Variants in DTX3L observed in about 807,000 individuals in gnomAD.
DTX3L encodes the protein deltex E3 ubiquitin ligase 3L.
DTX3L carries 34 observed loss-of-function variants against 60.9 expected under a neutral mutation model. The observed-to-expected ratio is 0.56, with a 90% CI of 0.42 to 0.74. The LOEUF (loss-of-function observed/expected upper bound fraction) is 0.74, where lower values mean the gene tolerates loss of function less well. Among genes scored for constraint, DTX3L ranks in the 30% least tolerant of loss-of-function variants. The pLI is 0.00. For synonymous variants in DTX3L, 290 were observed against 316.6 expected (o/e 0.92, Z 0.89); for missense variants, 810 against 874.0 (o/e 0.93, Z 0.92).
chr3:122,568,096 G>C (rs1329345585), intron 2 of DTX3L, among the ~76,000 whole-genome samples: 1 of 152,148 alleles, frequency 6.6e-6, no homozygotes, highest in Non-Finnish European at 1.5e-5. Context: ...GATCACCTGA[G>C]GTCAGGAGTT....
intron 1 of DTX3L, among the ~76,000 whole-genome samples, chr3:122,565,041 C>T (rs2080538862): frequency 6.6e-6 from 1 of 152,076 alleles, no homozygotes; most frequent in South Asian, 2.1e-4. Flanking sequence ...GATATATGCT[C>T]ACTATAGAAA....
At chr3:122,570,711 T>A (rs1186876422) in intron 4 of DTX3L, 39 bp downstream of exon 4, 2 of 1,601,548 alleles carry the variant, frequency 1.2e-6, no homozygotes, top group Admixed American at 3.3e-5. Flanking sequence ...CTCAACAGAG[T>A]ATAGGGATTA....
Position 122,565,913 on chromosome 3 carries a change from C to A in DTX3L, c.242C>A (p.Pro81His). ...GEHQILVDEK[P>H]VPIFLVPTEN... Reference sequence around the variant, plus strand: ...CACCAAATACTTGTTGACGAAAAACCTGTGCCCATTTTCCTGGTACCCACT... The same window carrying A: ...CACCAAATACTTGTTGACGAAAAACATGTGCCCATTTTCCTGGTACCCACT... The change falls in exon 2 of 5, where the codon CCT becomes CAT. Residue 81 changes from proline to histidine, a missense_variant. Pro to His is a moderately conservative substitution (Grantham distance 77). Coordinates refer to ENST00000296161, the MANE Select transcript of DTX3L (RefSeq NM_138287.3). 1.2e-6 allele frequency: 2 copies of A among 1,614,116 alleles called. No homozygotes were observed. Among genetic ancestry groups the A allele is most frequent in the Non-Finnish European group, 1.7e-6 (2 of 1,180,020 alleles).
intron 1 of DTX3L, among the ~76,000 whole-genome samples, 184 bp downstream of exon 1, chr3:122,564,797 A>G (rs1221029750): frequency 2.0e-5 from 3 of 152,060 alleles, no homozygotes; most frequent in Non-Finnish European, 2.9e-5. Context: ...TCGGTGGAGG[A>G]TGGGGCCTCA....
At chr3:122,570,703 C>A in intron 4 of DTX3L, 31 bp downstream of exon 4, 1 of 1,607,146 alleles carries the variant, frequency 6.2e-7, no homozygotes, top group South Asian at 1.1e-5. Flanking sequence ...AATGGCTGCT[C>A]AACAGAGTAT....
rs762172588 is a variant in DTX3L, at chr3:122,564,380, G to C, written c.-47G>C. ...CCGCAGGGCGGGCCGCGCCTTTACCGCCCAGCTGCCTCCCGGAGCCCCCGC... is the reference window on the plus strand; with the variant it reads ...CCGCAGGGCGGGCCGCGCCTTTACCCCCCAGCTGCCTCCCGGAGCCCCCGC... On this transcript the variant is annotated 5_prime_UTR_variant, in exon 1 of 5. Transcript: ENST00000296161. 8.9e-6 allele frequency: 14 copies of C among 1,565,604 alleles called. No individual in the cohort carries two copies. The highest frequency in any genetic ancestry group is 1.2e-5 in the Non-Finnish European group (14 of 1,157,766).
In DTX3L at chr3:122,573,721, G is replaced by T. The variant is rs1441216508; in HGVS notation, c.*1974G>T. The T allele has an allele frequency of 2.6e-5, 4 of 152,146 alleles. No individual in the cohort carries two copies. Among genetic ancestry groups the T allele is most frequent in the Non-Finnish European group, 4.4e-5 (3 of 68,070 alleles). The allele number at this position is 152,146 out of a possible 1,614,324, so 9.4% of individuals were successfully genotyped here. On this transcript the variant is annotated 3_prime_UTR_variant, in exon 5 of 5. Coordinates refer to ENST00000296161, the MANE Select transcript of DTX3L (RefSeq NM_138287.3). ...TGCTCCTTGTAAACTGCCATATTGG[G>T]TGCACTTGCCCTGCCACAGTAATGC...
At position 122,569,004 on chromosome 3, in the gene DTX3L, G is replaced by C; in HGVS notation, c.915G>C (p.Leu305=). ...ASEFQKNTEP[L]KQECVSLADS... The stretch of plus-strand genomic sequence containing the variant: ...AATTTCAGAAGAACACAGAACCTCT[G>C]AAGCAAGAATGTGTCTCTTTAGCAG... Residue 305 remains leucine, a synonymous_variant, in exon 3 of 5, where the codon CTG becomes CTC. Transcript: ENST00000296161. 4 of 1,614,132 alleles carry C rather than the reference G, an allele frequency of 2.5e-6. No homozygotes were observed. In the South Asian group the frequency reaches 3.3e-5, roughly 13 times the overall value.
intron 1 of DTX3L, 122 bp downstream of exon 1, chr3:122,564,735 G>GCCAC: frequency 8.0e-7 from 1 of 1,249,002 alleles, no homozygotes; most frequent in Non-Finnish European, 1.1e-6. Flanking sequence ...CTGTGCGGTG[G>GCCAC]CGGACAGGGA....
At position 122,571,830 on chromosome 3, in the gene DTX3L, A is replaced by T. The variant is rs574738404; in HGVS notation, c.*83A>T. Reference sequence around the variant, plus strand: ...TGATTTAATGCCAGTCTAAATCCTTATGTAGAAAGGACTTTGAAATTTTTC... The same window carrying T: ...TGATTTAATGCCAGTCTAAATCCTTTTGTAGAAAGGACTTTGAAATTTTTC... On this transcript the variant is annotated 3_prime_UTR_variant, in exon 5 of 5. Transcript: ENST00000296161. 2.7e-4 allele frequency: 322 copies of T among 1,178,724 alleles called. 1 individual carries two copies. In the African/African-American group the frequency reaches 4.7e-3, roughly 17 times the overall value. 73.0% of individuals were successfully genotyped at this position (1,178,724 alleles called of 1,614,324 possible).
Position 122,570,601 on chromosome 3 carries a change from A to G in DTX3L, c.2082A>G (p.Val694=), listed in dbSNP as rs2080638523. 3 of 1,614,214 alleles carry G rather than the reference A, an allele frequency of 1.9e-6. No homozygotes were observed. Among genetic ancestry groups the G allele is most frequent in the Non-Finnish European group, 1.7e-6 (2 of 1,180,036 alleles). The change falls in exon 4 of 5, where the codon GTA becomes GTG. Residue 694 remains valine, a synonymous_variant. Coordinates refer to ENST00000296161, the MANE Select transcript of DTX3L (RefSeq NM_138287.3). ...TTTTTACAGTGGGGTACTCTCGCGT[A>G]TTAGGAGTCTCAGATGTCATCACTT... ...KLIFTVGYSR[V]LGVSDVITWN...
chr3:122,574,972 T>A lies in DTX3L; in HGVS notation c.*3225T>A, dbSNP rs948074297. 6.6e-6 allele frequency: 1 copy of A among 152,266 alleles called. No individual in the cohort carries two copies. The highest frequency in any genetic ancestry group is 6.5e-5 in the Admixed American group (1 of 15,286). The allele number at this position is 152,266 out of a possible 1,614,324, so 9.4% of individuals were successfully genotyped here. On this transcript the variant is annotated 3_prime_UTR_variant, in exon 5 of 5. Coordinates refer to ENST00000296161, the MANE Select transcript of DTX3L (RefSeq NM_138287.3). Reference sequence around the variant, plus strand: ...TTTAGTTTTTGGTGATTCATTAAATTCTTTACTATTATAGTTATTTTCTAG... The same window carrying A: ...TTTAGTTTTTGGTGATTCATTAAATACTTTACTATTATAGTTATTTTCTAG...
At chr3:122,566,099 G>C (rs776652048) in intron 2 of DTX3L, 29 bp downstream of exon 2, 12 of 1,596,650 alleles carry the variant, frequency 7.5e-6, no homozygotes, top group East Asian at 4.5e-5. Context: ...AGCTGGCTGT[G>C]CCTGCGCCTC....
rs193156207 is a variant in DTX3L at position 122,568,244 on chromosome 3, G to A, written c.400-245G>A. 9.2e-5 allele frequency among the ~76,000 whole-genome samples: 14 copies of A among 152,264 alleles called. No homozygotes were observed. In the East Asian group the frequency reaches 1.7e-3, roughly 19 times the overall value. On this transcript the variant is annotated intron_variant, in intron 2 of 4. Coordinates refer to ENST00000296161, the MANE Select transcript of DTX3L (RefSeq NM_138287.3). ...GAATTGCTTGAACCCGGGAGGCGGA[G>A]GTTGCAGTGAGCTGAGATCGCGCCA...
chr3:122,564,395 G>A lies in DTX3L; in HGVS notation c.-32G>A, dbSNP rs1360113575. 1.9e-6 allele frequency: 3 copies of A among 1,585,970 alleles called. No individual in the cohort carries two copies. Among genetic ancestry groups the A allele is most frequent in the Admixed American group, 1.9e-5 (1 of 54,046 alleles). Reference sequence around the variant, plus strand: ...CGCCTTTACCGCCCAGCTGCCTCCCGGAGCCCCCGCGCCCTCCCGACGCGC... The same window carrying A: ...CGCCTTTACCGCCCAGCTGCCTCCCAGAGCCCCCGCGCCCTCCCGACGCGC... On this transcript the variant is annotated 5_prime_UTR_variant, in exon 1 of 5. Transcript: ENST00000296161.
chr3:122,567,342 G>A (rs569654003), intron 2 of DTX3L, among the ~76,000 whole-genome samples: 6 of 152,304 alleles, frequency 3.9e-5, no homozygotes, highest in African/African-American at 1.2e-4. Flanking sequence ...GAGAGTTAGA[G>A]CCTGGTTAGG....
At chr3:122,571,635 C>T (rs1391485404) in intron 4 of DTX3L, 43 bp from the exon 5 acceptor site, 11 of 1,502,214 alleles carry the variant, frequency 7.3e-6, no homozygotes, top group East Asian at 4.5e-5. Context: ...TGCACATATC[C>T]GAACAATTTG....
rs753579752 is a variant in DTX3L, at chr3:122,571,977, C to T, written c.*230C>T. 7 of 282,004 alleles carry T rather than the reference C, an allele frequency of 2.5e-5. No homozygotes were observed. Among genetic ancestry groups the T allele is most frequent in the East Asian group, 6.6e-5 (1 of 15,188 alleles). The allele number at this position is 282,004 out of a possible 1,614,324, so 17.5% of individuals were successfully genotyped here. ...GCGCTGGAGTGCAGTGGCATGATCT[C>T]GGCTCACTGCAAGCTCCGCCTCCCA... On this transcript the variant is annotated 3_prime_UTR_variant, in exon 5 of 5. Coordinates refer to ENST00000296161, the MANE Select transcript of DTX3L (RefSeq NM_138287.3).
chr3:122,569,627 C>T lies in DTX3L; in HGVS notation c.1538C>T (p.Ser513Phe), dbSNP rs541869388. 1 of 1,614,198 alleles carries T rather than the reference C, an allele frequency of 6.2e-7. No individual in the cohort carries two copies. Among genetic ancestry groups the T allele is most frequent in the Non-Finnish European group, 8.5e-7 (1 of 1,180,042 alleles). Residue 513 changes from serine (S) to phenylalanine (F), a missense_variant, in exon 3 of 5, where the codon TCT (serine) becomes TTT (phenylalanine). Coordinates refer to ENST00000296161, the MANE Select transcript of DTX3L (RefSeq NM_138287.3). ...TATGTTCTAAAAGGAGGAGGAATGTCTTCATTGGCTGGAAAGAAATTGAAA... is the reference window on the plus strand; with the variant it reads ...TATGTTCTAAAAGGAGGAGGAATGTTTTCATTGGCTGGAAAGAAATTGAAA... ...KQYVLKGGGMSSLAGKKLKEG... is the reference protein window; with the variant it reads ...KQYVLKGGGMFSLAGKKLKEG...
Sources: gnomAD v4.1 joint callset for allele counts (sites outside exome capture counted in the v4.1 genomes callset) on GRCh38, gnomAD v4.1.1 for gene constraint, MANE v1.5 for transcripts, NCBI Gene and HGNC (gene_info 2026-07-23, HGNC 2026-07-21) for gene names.